Variants in GPR161 observed in about 807,000 individuals in gnomAD.
GPR161 encodes the protein G protein-coupled receptor 161.
In GPR161, 25 loss-of-function variants were observed where a neutral mutation model predicts 39.2. The observed-to-expected ratio is 0.64, with a 90% CI of 0.47 to 0.89. GPR161 has a LOEUF of 0.89. Ranked by LOEUF, GPR161 falls within the 40% of genes least tolerant of loss-of-function variation. GPR161 has a pLI of 0.00. For missense variants in GPR161, 547 were observed against 677.8 expected (o/e 0.81, Z 2.14); for synonymous variants, 286 against 276.6 (o/e 1.03, Z -0.34).
At chr1:168,125,868 G>A (rs1223331870) in intron 1 of GPR161, among the ~76,000 whole-genome samples, 2 of 151,962 alleles carry the variant, frequency 1.3e-5, no homozygotes, top group Non-Finnish European at 2.9e-5. Flanking sequence ...TGCCCGCCTC[G>A]GCCTCCCAAA....
At chr1:168,089,360 G>A (rs575546569) in intron 4 of GPR161, 2 of 152,320 alleles carry the variant, frequency 1.3e-5, no homozygotes, top group East Asian at 1.9e-4. Flanking sequence ...ACTCCGTGTG[G>A]TGCGGGGCCC....
chr1:168,108,640 CTATT>C (rs1377771108), intron 1 of GPR161, among the ~76,000 whole-genome samples: 3 of 151,458 alleles, frequency 2.0e-5, no homozygotes, highest in African/African-American at 4.8e-5. Flanking sequence ...GTAAATTTCT[CTATT>C]TCTTTATAGT....
In GPR161 at chr1:168,100,923, G is replaced by C. The variant is rs74926625; in HGVS notation, c.374+3554C>G. Among the ~76,000 whole-genome samples, 402 of 152,272 alleles carry C rather than the reference G, an allele frequency of 2.6e-3. 1 individual carries two copies. Among genetic ancestry groups the C allele is most frequent in the African/African-American group, 9.5e-3 (395 of 41,554 alleles). ...CATTACAGACTTCTAAGTAATGGAC[G>C]TTCACAGTGGAACCGCTGGCAGGTC... On this transcript the variant is annotated intron_variant, in intron 2 of 5. Transcript: ENST00000682931.
Position 168,085,420 on chromosome 1 carries a change from T to C in GPR161, c.*111A>G, listed in dbSNP as rs1249319116. ...TACCAGATGCTGCTCCTTCCCTGTG[T>C]GTGGCCAGCTGTACACAGTGACATG... On this transcript the variant is annotated 3_prime_UTR_variant, in exon 6 of 6. Coordinates refer to ENST00000682931, the MANE Select transcript of GPR161 (RefSeq NM_001375883.1). 1 of 978,948 alleles carries C rather than the reference T, an allele frequency of 1.0e-6. No homozygotes were observed. The highest frequency in any genetic ancestry group is 1.5e-6 in the Non-Finnish European group (1 of 646,936). The allele number at this position is 978,948 out of a possible 1,614,324, so 60.6% of individuals were successfully genotyped here. A position where few individuals can be genotyped will look rare whatever the true frequency, so the allele number is the denominator to read the frequency against.
rs1694055874 is a variant in GPR161 at position 168,081,264 on chromosome 1, T to C, written c.*4267A>G. 1 of 152,264 alleles carries C rather than the reference T, an allele frequency of 6.6e-6. No individual in the cohort carries two copies. The highest frequency in any genetic ancestry group is 1.5e-5 in the Non-Finnish European group (1 of 68,068). The allele number at this position is 152,264 out of a possible 1,614,324, so 9.4% of individuals were successfully genotyped here. A position where few individuals can be genotyped will look rare whatever the true frequency, so the allele number is the denominator to read the frequency against. ...TTCCTCCCTGCTCTCTATTGCCTGC[T>C]CTTCCTCACCACATCCCTGCTTTTC... On this transcript the variant is annotated 3_prime_UTR_variant, in exon 6 of 6. Coordinates refer to ENST00000682931, the MANE Select transcript of GPR161 (RefSeq NM_001375883.1).
At chr1:168,122,708 A>G (rs933611088) in intron 1 of GPR161, among the ~76,000 whole-genome samples, 1 of 152,156 alleles carries the variant, frequency 6.6e-6, no homozygotes, top group Non-Finnish European at 1.5e-5. Flanking sequence ...GCTGTTTCGT[A>G]TGCCCAGAAT....
chr1:168,113,692 A>T (rs1697403855), intron 1 of GPR161, among the ~76,000 whole-genome samples: 1 of 152,250 alleles, frequency 6.6e-6, no homozygotes, highest in African/African-American at 2.4e-5. Flanking sequence ...AGGGACAAGG[A>T]TGGAGTTGGA....
chr1:168,111,349 A>C (rs974105702), intron 1 of GPR161, among the ~76,000 whole-genome samples: 3 of 152,224 alleles, frequency 2.0e-5, no homozygotes, highest in African/African-American at 4.8e-5. Flanking sequence ...GGTCTAAACT[A>C]ATCACTATGT....
intron 5 of GPR161, among the ~76,000 whole-genome samples, chr1:168,087,308 C>G (rs192083939): frequency 1.4e-4 from 22 of 152,036 alleles, no homozygotes; most frequent in Non-Finnish European, 1.5e-5. Context: ...CACCCAGGAT[C>G]TGGGCTGTGT....
intron 2 of GPR161, among the ~76,000 whole-genome samples, chr1:168,103,603 A>G (rs1696315058): frequency 6.6e-6 from 1 of 152,122 alleles, no homozygotes; most frequent in Non-Finnish European, 1.5e-5. Flanking sequence ...GACAGTCTCA[A>G]AAAAGCCCGG....
chr1:168,114,652 T>C (rs945125416), intron 1 of GPR161: 2 of 152,216 alleles, frequency 1.3e-5, no homozygotes, highest in Non-Finnish European at 2.9e-5. Context: ...GTAAAAGGGT[T>C]GCCTTCTGTG....
chr1:168,097,526 A>G (rs976761819), intron 2 of GPR161, among the ~76,000 whole-genome samples: 1 of 152,176 alleles, frequency 6.6e-6, no homozygotes, highest in African/African-American at 2.4e-5. Context: ...AGATACCTAC[A>G]GAGGTCCTGA....
At chr1:168,137,652 A>C (rs1572410766), upstream of GPR161, 3 of 556,938 alleles carry the variant, frequency 5.4e-6, no homozygotes, top group Admixed American at 3.2e-5. Context: ...TCCCTTCCTC[A>C]CTCCCCACTT....
intron 1 of GPR161, 194 bp downstream of exon 1, chr1:168,136,545 G>C (rs931224278): frequency 7.9e-7 from 1 of 1,258,622 alleles, no homozygotes; most frequent in Admixed American, 4.2e-5. Flanking sequence ...GCTCTCCAAA[G>C]CAAGGCGCAG....
intron 2 of GPR161, among the ~76,000 whole-genome samples, chr1:168,099,086 G>A (rs115244290): frequency 0.011 from 1,718 of 152,238 alleles, 39 homozygotes; most frequent in African/African-American, 0.039. Context: ...ACTGGCCATC[G>A]ACCTTTCCCC....
intron 1 of GPR161, among the ~76,000 whole-genome samples, chr1:168,129,295 G>A (rs1025474725): frequency 3.3e-5 from 5 of 152,174 alleles, no homozygotes; most frequent in African/African-American, 9.6e-5. Flanking sequence ...TGAGCTCGGC[G>A]TGTTTAAGGA....
chr1:168,085,857 G>A, intron 5 of GPR161, 61 bp from the exon 6 acceptor site: 2 of 1,458,630 alleles, frequency 1.4e-6, no homozygotes, highest in Non-Finnish European at 1.9e-6. Flanking sequence ...CTACCTTGGG[G>A]ACAAGCCTGC....
intron 3 of GPR161, among the ~76,000 whole-genome samples, chr1:168,091,030 G>A (rs888508888): frequency 6.6e-6 from 1 of 152,240 alleles, no homozygotes; most frequent in African/African-American, 2.4e-5. Flanking sequence ...TTCACCTCCT[G>A]AAATCCTACT....
rs115455892 is a variant in GPR161, at chr1:168,104,776, G to A, written c.75C>T (p.Gly25=). The change falls in exon 2 of 6, where the codon GGC becomes GGT. Residue 25 remains glycine, a synonymous_variant. Transcript: ENST00000682931. ...NLTEEEGGEG[G]VIITQFIAII... is the part of the protein sequence containing the mutation. ...TGGCGATGAACTGGGTGATGATGAC[G>A]CCCCCTTCGCCACCCTCCTCCTCAG... 9.0e-4 allele frequency: 1,448 copies of A among 1,613,706 alleles called. 10 individuals are homozygous for A. In the African/African-American group the frequency reaches 0.017, roughly 19 times the overall value.
Sources: gnomAD v4.1 joint callset for allele counts (sites outside exome capture counted in the v4.1 genomes callset) on GRCh38, gnomAD v4.1.1 for gene constraint, MANE v1.5 for transcripts, NCBI Gene and HGNC (gene_info 2026-07-23, HGNC 2026-07-21) for gene names.